Variants in STAU2 observed in about 807,000 individuals in gnomAD.
STAU2 encodes staufen double-stranded RNA binding protein 2, also known as double-stranded RNA-binding protein Staufen homolog 2.
A neutral mutation model predicts 65.9 loss-of-function variants in STAU2; 20 were observed. That is an observed-to-expected ratio of 0.30 (90% confidence interval 0.21 to 0.44). STAU2 has a LOEUF of 0.44. STAU2 is among the 20% of genes least tolerant of loss of function. STAU2 has a pLI of 1.00. For missense variants in STAU2, 558 were observed against 683.9 expected, an observed-to-expected ratio of 0.82 and a Z score of 2.05; for synonymous variants, 232 against 233.9, an observed-to-expected ratio of 0.99 and a Z score of 0.07.
At chr8:73,534,989 A>G (rs900186697) in intron 13 of STAU2, among the ~76,000 whole-genome samples, 2 of 152,378 alleles carry the variant, frequency 1.3e-5, no homozygotes, top group East Asian at 3.9e-4. Context: ...AGCTTTGAAA[A>G]TTACATGCTT....
intron 12 of STAU2, among the ~76,000 whole-genome samples, chr8:73,581,400 G>A (rs1809971979): frequency 6.6e-6 from 1 of 152,084 alleles, no homozygotes; most frequent in African/African-American, 2.4e-5. Context: ...GTATAAGAAT[G>A]GAATTTCTGG....
At chr8:73,536,132 T>C (rs1053012369) in intron 13 of STAU2, among the ~76,000 whole-genome samples, 2 of 152,202 alleles carry the variant, frequency 1.3e-5, no homozygotes, top group Non-Finnish European at 2.9e-5. Flanking sequence ...CTTTTTCTTA[T>C]TTTTCCTGCT....
At chr8:73,634,963 C>T (rs1044865166) in intron 6 of STAU2, among the ~76,000 whole-genome samples, 2 of 152,166 alleles carry the variant, frequency 1.3e-5, no homozygotes, top group Admixed American at 1.3e-4. Context: ...TCTATCTCCC[C>T]CAACTAGAAT....
intron 1 of STAU2, 78 bp downstream of exon 1, chr8:73,746,705 C>A (rs540879411): frequency 2.2e-6 from 2 of 910,388 alleles, no homozygotes; most frequent in South Asian, 1.1e-4. Context: ...AACTGCAGGG[C>A]TCCCCAGCGC....
intron 12 of STAU2, among the ~76,000 whole-genome samples, chr8:73,565,548 G>A (rs982700840): frequency 6.6e-6 from 1 of 152,084 alleles, no homozygotes; most frequent in Non-Finnish European, 1.5e-5. Context: ...AGTGTTCAGT[G>A]AGCCCACCAT....
At chr8:73,493,340 C>T (rs192090495) in intron 13 of STAU2, among the ~76,000 whole-genome samples, 9 of 151,388 alleles carry the variant, frequency 5.9e-5, no homozygotes, top group Non-Finnish European at 5.9e-5. Flanking sequence ...AATAAGGAAG[C>T]CTAAGAGACT....
intron 13 of STAU2, among the ~76,000 whole-genome samples, chr8:73,547,548 ATG>A (rs1807018340): frequency 6.6e-6 from 1 of 152,200 alleles, no homozygotes; most frequent in Non-Finnish European, 1.5e-5. Context: ...CTGAGTGTTA[ATG>A]TCACTAAAGG....
At chr8:73,669,162 A>G in intron 6 of STAU2, 1 of 699,790 alleles carries the variant, frequency 1.4e-6, no homozygotes, top group Non-Finnish European at 2.6e-6. Context: ...CCTACTGAGT[A>G]ATGGTTAGGT....
chr8:73,740,457 A>G (rs775127985), intron 1 of STAU2, among the ~76,000 whole-genome samples: 4 of 152,252 alleles, frequency 2.6e-5, no homozygotes, highest in Non-Finnish European at 4.4e-5. Context: ...GCAAATTATA[A>G]AACTTAAACA....
rs59554010 is a variant in STAU2, at chr8:73,602,728, C to CAAAAA, written c.1029+993_1029+997dup. Among the ~76,000 whole-genome samples the CAAAAA allele has an allele frequency of 7.2e-5, 6 of 83,298 alleles. No individual in the cohort carries two copies. In the Admixed American group the frequency reaches 8.2e-4, roughly 11 times the overall value. The allele number at this position is 83,298 out of a possible 152,430, so 54.6% of individuals were successfully genotyped here. On this transcript the variant is annotated intron_variant, in intron 10 of 14. Transcript: ENST00000524300. The stretch of plus-strand genomic sequence containing the variant: ...ACAGAACAAGACCCTGTTGCCCCAC[C>CAAAAA]AAAAAAAAAAAAAAACAAAAAATTA...
At position 73,654,552 on chromosome 8, in the gene STAU2, A is replaced by C. The variant is rs368382818; in HGVS notation, c.410+18555T>G. 8.2e-5 allele frequency among the ~76,000 whole-genome samples: 12 copies of C among 145,622 alleles called. No homozygotes were observed. In the East Asian group the frequency reaches 1.5e-3, roughly 18 times the overall value. On this transcript the variant is annotated intron_variant, in intron 6 of 14. Transcript: ENST00000524300. ...CTACTAGAGAGACTGAGGTGGAAGG[A>C]TCACTTGAGACCAGAAGGTCATGGC...
chr8:73,458,473 CAG>C (rs756646223), intron 13 of STAU2, among the ~76,000 whole-genome samples: 8 of 152,208 alleles, frequency 5.3e-5, no homozygotes, highest in Non-Finnish European at 1.2e-4. Flanking sequence ...GTTTCAGTAA[CAG>C]TTGCCAGACA....
chr8:73,668,809 C>T (rs1297802350), intron 6 of STAU2, among the ~76,000 whole-genome samples: 1 of 152,086 alleles, frequency 6.6e-6, no homozygotes, highest in Non-Finnish European at 1.5e-5. Context: ...TTTCTCCACT[C>T]ATCATTAAAA....
intron 6 of STAU2, chr8:73,651,695 C>T (rs1815889834): frequency 2.1e-6 from 1 of 469,186 alleles, no homozygotes. Flanking sequence ...GCGTACCACC[C>T]CCCAAAGCCC....
intron 12 of STAU2, among the ~76,000 whole-genome samples, chr8:73,563,255 G>A (rs1183065578): frequency 6.6e-6 from 1 of 152,272 alleles, no homozygotes; most frequent in East Asian, 1.9e-4. Context: ...TCCTAGCCCC[G>A]TGGTGTCAGT....
chr8:73,505,898 C>T (rs1822035741), intron 13 of STAU2, among the ~76,000 whole-genome samples: 1 of 152,014 alleles, frequency 6.6e-6, no homozygotes. Context: ...TGAGTTCTCA[C>T]TCATCACATG....
At chr8:73,454,804 A>G (rs1479432421) in intron 13 of STAU2, among the ~76,000 whole-genome samples, 1 of 152,230 alleles carries the variant, frequency 6.6e-6, no homozygotes, top group Non-Finnish European at 1.5e-5. Flanking sequence ...ATGTATATTA[A>G]CACACACAGA....
intron 6 of STAU2, among the ~76,000 whole-genome samples, chr8:73,666,770 C>T (rs1265102356): frequency 6.6e-6 from 1 of 152,130 alleles, no homozygotes; most frequent in African/African-American, 2.4e-5. Flanking sequence ...AAAGGATACA[C>T]CTTCAATGAA....
At chr8:73,676,721 G>C (rs1818050856) in intron 5 of STAU2, among the ~76,000 whole-genome samples, 1 of 152,156 alleles carries the variant, frequency 6.6e-6, no homozygotes, top group Non-Finnish European at 1.5e-5. Context: ...TCAGCCTCCT[G>C]AGTAGCTGGG....
Sources: allele counts gnomAD v4.1 joint callset (sites outside exome capture counted in the v4.1 genomes callset), GRCh38; gene constraint gnomAD v4.1.1; transcripts MANE v1.5; gene names NCBI Gene and HGNC (gene_info 2026-07-23, HGNC 2026-07-21).